The following LHFPL3 variants were observed in gnomAD, a reference collection of about 807,000 sequenced individuals.
LHFPL3 encodes LHFPL tetraspan subfamily member 3, also known as LHFPL tetraspan subfamily member 3 protein.
Under a neutral mutation model 19.3 loss-of-function variants are expected in LHFPL3, and 5 were observed. That is an observed-to-expected ratio of 0.26 (90% CI 0.14 to 0.54). The LOEUF is 0.54. LHFPL3 is among the 20% of genes least tolerant of loss of function. The pLI, the probability that LHFPL3 is intolerant of heterozygous loss-of-function variation, is 0.94. For synonymous variants in LHFPL3, 133 were observed against 126.2 expected (o/e 1.05, Z -0.36); for missense variants, 249 against 307.4 (o/e 0.81, Z 1.42).
At chr7:104,718,807 C>T (rs563569671) in intron 1 of LHFPL3, among the ~76,000 whole-genome samples, 3 of 152,222 alleles carry the variant, frequency 2.0e-5, no homozygotes, top group Non-Finnish European at 4.4e-5. Flanking sequence ...CCCTGTTTTA[C>T]AAATAAAGTA....
intron 1 of LHFPL3, chr7:104,668,105 A>G (rs1030877205): frequency 6.2e-7 from 1 of 1,613,870 alleles, no homozygotes; most frequent in Non-Finnish European, 8.5e-7. Context: ...TTCGAGGATT[A>G]AATATCAGTG....
chr7:104,330,708 C>T (rs185685244), intron 1 of LHFPL3, among the ~76,000 whole-genome samples: 104 of 152,242 alleles, frequency 6.8e-4, no homozygotes, highest in Admixed American at 3.9e-4. Flanking sequence ...GGGAGTTCTG[C>T]GTCTCCTTCT....
chr7:104,817,170 C>A (rs1790571788), intron 2 of LHFPL3, among the ~76,000 whole-genome samples: 2 of 152,230 alleles, frequency 1.3e-5, no homozygotes, highest in East Asian at 3.8e-4. Context: ...TCAGCGCGGG[C>A]TACGTTGCCA....
intron 1 of LHFPL3, among the ~76,000 whole-genome samples, chr7:104,732,667 A>G (rs1476570829): frequency 6.6e-6 from 1 of 152,134 alleles, no homozygotes; most frequent in East Asian, 1.9e-4. Context: ...GATCTTTTCA[A>G]AAAACCAGCT....
chr7:104,787,959 G>A (rs1006335843), intron 2 of LHFPL3, among the ~76,000 whole-genome samples: 1 of 152,178 alleles, frequency 6.6e-6, no homozygotes, highest in Admixed American at 6.5e-5. Flanking sequence ...ATGAATTAAA[G>A]GGGCTTGGAG....
chr7:104,457,184 A>G (rs1386800561), intron 1 of LHFPL3, among the ~76,000 whole-genome samples: 1 of 152,050 alleles, frequency 6.6e-6, no homozygotes. Context: ...TTAGTTACAT[A>G]TGTATACATG....
intron 2 of LHFPL3, among the ~76,000 whole-genome samples, chr7:104,779,627 C>A (rs1794687429): frequency 6.6e-6 from 1 of 152,186 alleles, no homozygotes; most frequent in Non-Finnish European, 1.5e-5. Flanking sequence ...GGATGAGTGA[C>A]CTCTGCACAA....
chr7:104,885,430 A>C (rs550514889), intron 2 of LHFPL3, among the ~76,000 whole-genome samples: 38 of 152,182 alleles, frequency 2.5e-4, no homozygotes, highest in African/African-American at 8.2e-4. Context: ...ATTTTCTCCC[A>C]AAAAAAGTTT....
intron 1 of LHFPL3, among the ~76,000 whole-genome samples, chr7:104,676,111 A>C (rs1013775781): frequency 1.1e-4 from 16 of 152,262 alleles, no homozygotes; most frequent in Non-Finnish European, 2.2e-4. Context: ...TGAGAAGTAT[A>C]GAAGAGTAAT....
intron 2 of LHFPL3, among the ~76,000 whole-genome samples, chr7:104,792,674 T>A (rs566019626): frequency 6.6e-6 from 1 of 152,344 alleles, no homozygotes; most frequent in East Asian, 1.9e-4. Flanking sequence ...TTTCTCATAT[T>A]CGGTAACTTA....
chr7:104,372,821 G>A (rs573198662), intron 1 of LHFPL3, among the ~76,000 whole-genome samples: 10 of 152,228 alleles, frequency 6.6e-5, no homozygotes, highest in South Asian at 6.2e-4. Context: ...TGTGTTATTC[G>A]TTGGTTTGCT....
chr7:104,614,025 G>T (rs1218297715), intron 1 of LHFPL3, among the ~76,000 whole-genome samples: 1 of 152,090 alleles, frequency 6.6e-6, no homozygotes, highest in African/African-American at 2.4e-5. Flanking sequence ...CAAAGAATTG[G>T]CTCCCAGGTC....
chr7:104,497,925 C>G (rs1793517815), intron 1 of LHFPL3, among the ~76,000 whole-genome samples: 2 of 137,332 alleles, frequency 1.5e-5, no homozygotes, highest in Admixed American at 7.0e-5. Context: ...TTGTGAGAAG[C>G]CAGGAGCCAA....
intron 1 of LHFPL3, among the ~76,000 whole-genome samples, chr7:104,361,664 G>A (rs1248774142): frequency 6.6e-6 from 1 of 152,134 alleles, no homozygotes; most frequent in African/African-American, 2.4e-5. Flanking sequence ...CACAGAGAAG[G>A]CCTTGAGGAA....
At chr7:104,576,868 C>T (rs1048079499) in intron 1 of LHFPL3, among the ~76,000 whole-genome samples, 1 of 152,120 alleles carries the variant, frequency 6.6e-6, no homozygotes, top group Non-Finnish European at 1.5e-5. Context: ...CCATTGCTTC[C>T]TGGGGGTCTT....
chr7:104,584,243 G>A (rs140248403), intron 1 of LHFPL3, among the ~76,000 whole-genome samples: 2,134 of 152,080 alleles, frequency 0.014, 27 homozygotes, highest in South Asian at 0.026. Flanking sequence ...TAACTCATAG[G>A]TGGGAATTGA....
At chr7:104,892,969 G>A (rs995607761) in intron 2 of LHFPL3, among the ~76,000 whole-genome samples, 2 of 151,904 alleles carry the variant, frequency 1.3e-5, no homozygotes, top group South Asian at 2.1e-4. Context: ...GTAATCCCAC[G>A]CTGAAGCAGG....
At chr7:104,632,095 G>T (rs1310060947) in intron 1 of LHFPL3, among the ~76,000 whole-genome samples, 2 of 152,120 alleles carry the variant, frequency 1.3e-5, no homozygotes, top group African/African-American at 4.8e-5. Context: ...AGCAGGCTAA[G>T]GTATCCCTGC....
intron 1 of LHFPL3, among the ~76,000 whole-genome samples, chr7:104,330,913 C>A (rs944237024): frequency 2.0e-5 from 3 of 152,166 alleles, no homozygotes; most frequent in African/African-American, 7.2e-5. Flanking sequence ...AAAGAATTGA[C>A]CCTGCACAGC....
Sources: gnomAD v4.1 joint callset for allele counts (sites outside exome capture counted in the v4.1 genomes callset) on GRCh38, gnomAD v4.1.1 for gene constraint, MANE v1.5 for transcripts, NCBI Gene and HGNC (gene_info 2026-07-23, HGNC 2026-07-21) for gene names.